Variants in CLIP1 observed in about 807,000 individuals in gnomAD.
CLIP1 encodes CAP-Gly domain containing linker protein 1.
Under a neutral mutation model 161.6 loss-of-function variants are expected in CLIP1, and 66 were observed. The ratio of observed to expected loss-of-function variants is 0.41; its 90% CI spans 0.33 to 0.50. CLIP1 has a LOEUF of 0.50. CLIP1 is among the 20% of genes least tolerant of loss of function. The pLI, the probability that CLIP1 is intolerant of heterozygous loss-of-function variation, is 0.27. For synonymous variants in CLIP1, 598 were observed against 626.2 expected, an observed-to-expected ratio of 0.96 and a Z score of 0.67; for missense variants, 1,376 against 1,702.0, an observed-to-expected ratio of 0.81 and a Z score of 3.37.
intron 20 of CLIP1, among the ~76,000 whole-genome samples, chr12:122,307,469 G>A (rs1277201215): frequency 1.3e-5 from 2 of 152,166 alleles, no homozygotes; most frequent in African/African-American, 2.4e-5. Context: ...TCGTGGGTCA[G>A]TACTTACCTT....
At position 122,355,367 on chromosome 12, in the gene CLIP1, G is replaced by A. The variant is rs1300044088; in HGVS notation, c.1006-55C>T. On this transcript the variant is annotated intron_variant, in intron 5 of 25. Coordinates refer to ENST00000620786, the MANE Select transcript of CLIP1 (RefSeq NM_001247997.2). This position sits in a 1 kb window ranked among gnomAD's most constrained non-coding sequence, Gnocchi z 4.1. ...CGATGATGCTGTCAGAAAAGCGAGG[G>A]AGGCGCGATGCATGCATGGCGGGCA... 7 of 1,511,360 alleles carry A rather than the reference G, an allele frequency of 4.6e-6. No homozygotes were observed. In the Admixed American group the frequency reaches 1.0e-4, roughly 22 times the overall value. The allele number at this position is 1,511,360 out of a possible 1,614,324, so 93.6% of individuals were successfully genotyped here.
intron 20 of CLIP1, among the ~76,000 whole-genome samples, chr12:122,295,178 C>T (rs938912581): frequency 2.0e-5 from 3 of 151,912 alleles, no homozygotes; most frequent in Admixed American, 6.6e-5. Context: ...CAAGACCAGC[C>T]GGCCAACACG....
intron 20 of CLIP1, among the ~76,000 whole-genome samples, chr12:122,294,349 A>C (rs1566085976): frequency 2.0e-5 from 3 of 151,306 alleles, no homozygotes; most frequent in Middle Eastern, 3.4e-3. Flanking sequence ...AAAAACAAAA[A>C]AAAAAACCCC....
At chr12:122,377,011 ATTT>A (rs1292855847) in intron 3 of CLIP1, among the ~76,000 whole-genome samples, 1 of 135,904 alleles carries the variant, frequency 7.4e-6, no homozygotes, top group Non-Finnish European at 1.6e-5. Flanking sequence ...TATTTCTGGC[ATTT>A]TTTTTTTTTT....
At chr12:122,302,834 T>C (rs746605680) in intron 20 of CLIP1, among the ~76,000 whole-genome samples, 2 of 152,172 alleles carry the variant, frequency 1.3e-5, no homozygotes, top group Non-Finnish European at 1.5e-5. Context: ...TGACCTCAAG[T>C]GATCTGCCCA....
intron 10 of CLIP1, chr12:122,342,307 G>C (rs1386823355): frequency 6.6e-6 from 1 of 152,148 alleles, no homozygotes; most frequent in Non-Finnish European, 1.5e-5. Flanking sequence ...ACTGCCTCCT[G>C]AAAGAAAACA....
chr12:122,354,935 C>T, intron 6 of CLIP1, 180 bp downstream of exon 6: 1 of 621,772 alleles, frequency 1.6e-6, no homozygotes, highest in Admixed American at 3.0e-5. Flanking sequence ...AACTTCATCT[C>T]TGTGATCATG....
In CLIP1 at chr12:122,319,365, A is replaced by G. The variant is rs981916430; in HGVS notation, c.3250-17T>C. 1 of 1,589,240 alleles carries G rather than the reference A, an allele frequency of 6.3e-7. No individual in the cohort carries two copies. Among genetic ancestry groups the G allele is most frequent in the Non-Finnish European group, 8.6e-7 (1 of 1,157,588 alleles). On this transcript the variant is annotated splice_polypyrimidine_tract_variant and intron_variant, in intron 17 of 25. Transcript: ENST00000620786. ...TTGAGCAGCCTAAATACAAGGAAAC[A>G]CTGTGAGAAATGAGGACAGCCCTCG...
chr12:122,302,863 C>G (rs1227369420), intron 20 of CLIP1, among the ~76,000 whole-genome samples: 3 of 152,164 alleles, frequency 2.0e-5, no homozygotes, highest in Non-Finnish European at 4.4e-5. Flanking sequence ...TCACACAGTC[C>G]TAGAATTACA....
intron 17 of CLIP1, among the ~76,000 whole-genome samples, chr12:122,319,918 G>A (rs1951419174): frequency 6.6e-6 from 1 of 152,158 alleles, no homozygotes; most frequent in African/African-American, 2.4e-5. Context: ...AAACACGGCT[G>A]TGAATAAAAA....
rs1042763734 is a variant in CLIP1, at chr12:122,419,128, T to C, written c.-107+3393A>G. ...GCTCACACCTGTAATCCCAACACTT[T>C]GGGAGGCCAAAGCAGGTGGATCACT... On this transcript the variant is annotated intron_variant, in intron 1 of 25. Transcript: ENST00000620786. 3.9e-5 allele frequency among the ~76,000 whole-genome samples: 6 copies of C among 152,298 alleles called. No individual in the cohort carries two copies. In the South Asian group the frequency reaches 1.0e-3, roughly 26 times the overall value.
chr12:122,345,371 G>A (rs1258893156), intron 10 of CLIP1, among the ~76,000 whole-genome samples: 1 of 151,732 alleles, frequency 6.6e-6, no homozygotes, highest in Non-Finnish European at 1.5e-5. Flanking sequence ...ACCTTGCCCA[G>A]GCTGGTCTTG....
In CLIP1 at chr12:122,341,517, G is replaced by C. The variant is rs199998326; in HGVS notation, c.1687C>G (p.Arg563Gly). Reference protein sequence around the residue: ...SSLQEKLEVTRTDHQREITSL... With the variant: ...SSLQEKLEVTGTDHQREITSL... ...GTTATTTCTCTCTGGTGGTCAGTAC[G>C]GGTGACTTCTAACTTTTCTTGCAAA... Residue 563 changes from arginine to glycine, a missense_variant, in exon 11 of 26, where the codon CGT (arginine) becomes GGT (glycine). Physicochemically the swap from Arg to Gly is moderately radical, Grantham distance 125. This residue lies in a region of CLIP1 where 948 missense variants were observed against 1,134.8 expected (regional missense o/e 0.84). Coordinates refer to ENST00000620786, the MANE Select transcript of CLIP1 (RefSeq NM_001247997.2). The C allele has an allele frequency of 6.2e-7, 1 of 1,613,962 alleles. No homozygotes were observed. The highest frequency in any genetic ancestry group is 8.5e-7 in the Non-Finnish European group (1 of 1,180,012).
In CLIP1 at chr12:122,341,592, G is replaced by C. The variant is rs779532830; in HGVS notation, c.1612C>G (p.Pro538Ala). The part of the protein sequence containing the change: ...ELRRRLESNK[P>A]AGDVDMSLSL... ...AGTGACATGTCCACATCCCCAGCAG[G>C]CTTATTGGACTCTAGCCTTCTTCGG... The change falls in exon 11 of 26, where the codon CCT becomes GCT. Residue 538 changes from proline to alanine, a missense_variant. By Grantham distance (27) the Pro-to-Ala change is conservative (BLOSUM62 -1). Around this residue, in one of 6 missense-constraint regions of CLIP1, gnomAD observed 948 missense variants for 1,134.8 expected, o/e 0.84. Coordinates refer to ENST00000620786, the MANE Select transcript of CLIP1 (RefSeq NM_001247997.2). The C allele has an allele frequency of 6.2e-7, 1 of 1,613,598 alleles. No individual in the cohort carries two copies. Among genetic ancestry groups the C allele is most frequent in the South Asian group, 1.1e-5 (1 of 91,058 alleles).
chr12:122,339,065 G>A (rs1952373009), intron 11 of CLIP1, among the ~76,000 whole-genome samples: 1 of 152,136 alleles, frequency 6.6e-6, no homozygotes. Flanking sequence ...TCAACTAGTG[G>A]CAGGACTGGG....
chr12:122,294,620 C>T (rs1203382111), intron 20 of CLIP1, among the ~76,000 whole-genome samples: 1 of 151,912 alleles, frequency 6.6e-6, no homozygotes, highest in East Asian at 1.9e-4. Flanking sequence ...AAAAATTAAT[C>T]AAATGTGACA....
chr12:122,345,576 A>T (rs1173486940), intron 10 of CLIP1, among the ~76,000 whole-genome samples: 8 of 152,128 alleles, frequency 5.3e-5, no homozygotes, highest in Non-Finnish European at 1.0e-4. Flanking sequence ...AATTGTCTAG[A>T]TTTTTAGATC....
chr12:122,351,179 C>A (rs1161893886), intron 8 of CLIP1, 36 bp from the exon 9 acceptor site: 1 of 1,300,712 alleles, frequency 7.7e-7, no homozygotes, highest in African/African-American at 1.5e-5. Context: ...TAAACAACAA[C>A]AAAAAAGAGA....
intron 3 of CLIP1, chr12:122,364,741 G>C: frequency 1.6e-6 from 1 of 627,460 alleles, no homozygotes; most frequent in Non-Finnish European, 3.0e-6. Context: ...TTCCTGCTTC[G>C]CCTTTCGGCC....
Sources: allele counts gnomAD v4.1 joint callset (sites outside exome capture counted in the v4.1 genomes callset), GRCh38; gene constraint gnomAD v4.1.1; regional missense constraint gnomAD v4.1.1; non-coding constraint Gnocchi (gnomAD v3.1); transcripts MANE v1.5; gene names NCBI Gene and HGNC (gene_info 2026-07-23, HGNC 2026-07-21).